Variants in DPYD observed in about 807,000 individuals in gnomAD.
DPYD encodes dihydropyrimidine dehydrogenase, also known as dihydropyrimidine dehydrogenase [NADP(+)].
In DPYD, 109 loss-of-function variants were observed where a neutral mutation model predicts 116.2. That is an observed-to-expected ratio of 0.94 (90% CI 0.80 to 1.10). The LOEUF (loss-of-function observed/expected upper bound fraction) is 1.10, where lower values mean the gene tolerates loss of function less well. DPYD is among the 50% of genes least tolerant of loss of function. DPYD has a pLI of 0.00. For missense variants in DPYD, 1,302 were observed against 1,254.5 expected, an observed-to-expected ratio of 1.04 and a Z score of -0.57; for synonymous variants, 440 against 432.0, an observed-to-expected ratio of 1.02 and a Z score of -0.23.
intron 13 of DPYD, among the ~76,000 whole-genome samples, chr1:97,461,320 C>A (rs1485748311): frequency 6.6e-6 from 1 of 152,142 alleles, no homozygotes; most frequent in Non-Finnish European, 1.5e-5. Context: ...TTTGTATGCC[C>A]TTTCTCCTGT....
At chr1:97,154,637 AG>A in intron 20 of DPYD, among the ~76,000 whole-genome samples, 1 of 149,560 alleles carries the variant, frequency 6.7e-6, no homozygotes, top group South Asian at 2.2e-4. Context: ...CCAGCTACTG[AG>A]GGGTTGATGT....
chr1:97,256,480 CAT>C (rs1663477042), intron 18 of DPYD, among the ~76,000 whole-genome samples: 1 of 152,080 alleles, frequency 6.6e-6, no homozygotes, highest in African/African-American at 2.4e-5. Flanking sequence ...GAATAAGTCT[CAT>C]GAGATCTGAT....
At chr1:97,227,615 T>C (rs1661278431) in intron 19 of DPYD, among the ~76,000 whole-genome samples, 1 of 146,180 alleles carries the variant, frequency 6.8e-6, no homozygotes, top group Non-Finnish European at 1.5e-5. Context: ...CTAAAATATA[T>C]TATAAAATAA....
chr1:97,736,850 T>TTG (rs71590232), intron 4 of DPYD, among the ~76,000 whole-genome samples: 58,961 of 141,828 alleles, frequency 0.42, 12,500 homozygotes, highest in East Asian at 0.8. Flanking sequence ...GTGTGTGCAT[T>TTG]TGTGTGTGTG....
chr1:97,107,044 G>C (rs1651215968), intron 20 of DPYD, among the ~76,000 whole-genome samples: 1 of 152,032 alleles, frequency 6.6e-6, no homozygotes, highest in Admixed American at 6.6e-5. Flanking sequence ...AACCAACACT[G>C]ACTACCTGTC....
At chr1:97,103,189 T>C (rs1650875636) in intron 20 of DPYD, among the ~76,000 whole-genome samples, 2 of 152,114 alleles carry the variant, frequency 1.3e-5, no homozygotes, top group African/African-American at 4.8e-5. Context: ...GAGAAGTATC[T>C]TTTCTGTTCT....
intron 18 of DPYD, among the ~76,000 whole-genome samples, chr1:97,271,146 T>C (rs1183098003): frequency 6.6e-6 from 1 of 151,854 alleles, no homozygotes; most frequent in African/African-American, 2.4e-5. Flanking sequence ...AGGCACGGAG[T>C]GTGGGGAGCA....
intron 3 of DPYD, among the ~76,000 whole-genome samples, chr1:97,753,699 T>C (rs1665061433): frequency 6.6e-6 from 1 of 152,124 alleles, no homozygotes. Flanking sequence ...AAGCATTTTC[T>C]CGTATGTAAA....
In DPYD at chr1:97,316,055, T is replaced by C. The variant is rs1667809103; in HGVS notation, c.2059-9758A>G. Among the ~76,000 whole-genome samples, 4 of 152,012 alleles carry C rather than the reference T, an allele frequency of 2.6e-5. No individual in the cohort carries two copies. In the South Asian group the frequency reaches 8.3e-4, roughly 31 times the overall value. ...CTGGAAGCAATTGTGCAAATGCCCA[T>C]GGATAAAGGACATGATGCCTTTGTG... On this transcript the variant is annotated intron_variant, in intron 16 of 22. Transcript: ENST00000370192.
chr1:97,262,584 T>G (rs1038861808), intron 18 of DPYD, among the ~76,000 whole-genome samples: 6 of 152,110 alleles, frequency 3.9e-5, no homozygotes, highest in African/African-American at 1.4e-4. Context: ...AAATAATCTT[T>G]ATTTCTTTTA....
Position 97,382,318 on chromosome 1 carries a change from T to C in DPYD, c.1974+75A>G, listed in dbSNP as rs72728438. On this transcript the variant is annotated intron_variant, in intron 15 of 22. Transcript: ENST00000370192. ...TTTACTTCTACTGTATTATTTCTCA[T>C]GGCAGCTCTTTATTTAAAACTAATA... The C allele has an allele frequency of 0.21, 173,156 of 836,238 alleles. 19,269 individuals carry two copies. The highest frequency in any genetic ancestry group is 0.36 in the South Asian group (17,527 of 48,474). 51.8% of individuals were successfully genotyped at this position (836,238 alleles called of 1,614,324 possible). A position where few individuals can be genotyped will look rare whatever the true frequency, so the allele number is the denominator to read the frequency against.
At position 97,463,780 on chromosome 1, in the gene DPYD, G is replaced by A. The variant is rs560540955; in HGVS notation, c.1741-13557C>T. Reference sequence around the variant, plus strand: ...TGTTGTTTTAGCAAAGAGACTGGCAGCATTTTGCCCCTGCCCTAGAGATCT... The same window carrying A: ...TGTTGTTTTAGCAAAGAGACTGGCAACATTTTGCCCCTGCCCTAGAGATCT... On this transcript the variant is annotated intron_variant, in intron 13 of 22. Coordinates refer to ENST00000370192, the MANE Select transcript of DPYD (RefSeq NM_000110.4). Among the ~76,000 whole-genome samples, 9 of 152,300 alleles carry A rather than the reference G, an allele frequency of 5.9e-5. No homozygotes were observed. In the South Asian group the frequency reaches 1.0e-3, roughly 18 times the overall value.
At chr1:97,176,311 T>C (rs1557914451) in intron 20 of DPYD, among the ~76,000 whole-genome samples, 2 of 152,196 alleles carry the variant, frequency 1.3e-5, no homozygotes, top group Admixed American at 1.3e-4. Flanking sequence ...TGTAGCCTCC[T>C]GCATTCTGCC....
chr1:97,223,385 T>C (rs1002456500), intron 19 of DPYD, among the ~76,000 whole-genome samples: 4 of 108,052 alleles, frequency 3.7e-5, no homozygotes, highest in African/African-American at 1.5e-4. Context: ...AAAGATAGAA[T>C]TAAACACACA....
At chr1:97,289,025 A>C (rs1487821551) in intron 18 of DPYD, among the ~76,000 whole-genome samples, 2 of 152,250 alleles carry the variant, frequency 1.3e-5, no homozygotes, top group Non-Finnish European at 2.9e-5. Flanking sequence ...ATACTGCAGA[A>C]ATACAAACTA....
chr1:97,303,172 T>C (rs1057333563), intron 18 of DPYD, among the ~76,000 whole-genome samples: 1 of 151,978 alleles, frequency 6.6e-6, no homozygotes, highest in Non-Finnish European at 1.5e-5. Context: ...CTAAAGAATA[T>C]ATTGAAAGGG....
At chr1:97,236,051 G>T (rs939657410) in intron 18 of DPYD, among the ~76,000 whole-genome samples, 9 of 152,156 alleles carry the variant, frequency 5.9e-5, no homozygotes, top group Non-Finnish European at 8.8e-5. Flanking sequence ...TTGTACTAAA[G>T]CTACTTTGAA....
intron 13 of DPYD, among the ~76,000 whole-genome samples, chr1:97,500,985 G>A (rs1318750896): frequency 6.6e-6 from 1 of 152,030 alleles, no homozygotes; most frequent in Non-Finnish European, 1.5e-5. Flanking sequence ...TGTGTAATTA[G>A]CAGGCAATTA....
rs564067118 is a variant in DPYD at position 97,751,429 on chromosome 1, C to CGTGTGT, written c.234-10956_234-10951dup. 1.6e-3 allele frequency among the ~76,000 whole-genome samples: 84 copies of CGTGTGT among 53,032 alleles called. 5 individuals are homozygous for CGTGTGT. The highest frequency in any genetic ancestry group is 6.0e-3 in the East Asian group (5 of 832). The allele number at this position is 53,032 out of a possible 152,430, so 34.8% of individuals were successfully genotyped here. A position where few individuals can be genotyped will look rare whatever the true frequency, so the allele number is the denominator to read the frequency against. On this transcript the variant is annotated intron_variant, in intron 3 of 22. Transcript: ENST00000370192. ...ATATACGTGTATATATATATGTATA[C>CGTGTGT]GTGTGTGTGTGTGTGTGTGTGTGTG...
Sources: allele counts gnomAD v4.1 joint callset (sites outside exome capture counted in the v4.1 genomes callset), GRCh38; gene constraint gnomAD v4.1.1; transcripts MANE v1.5; gene names NCBI Gene and HGNC (gene_info 2026-07-23, HGNC 2026-07-21).